The following CLPB variants were observed in gnomAD, a reference collection of about 807,000 sequenced individuals.
CLPB encodes the protein ClpB family mitochondrial disaggregase.
A neutral mutation model predicts 78.4 loss-of-function variants in CLPB; 40 were observed. The ratio of observed to expected loss-of-function variants is 0.51; its 90% CI spans 0.40 to 0.66. The LOEUF is 0.66. Ranked by LOEUF, CLPB falls within the 30% of genes least tolerant of loss-of-function variation. The probability of loss-of-function intolerance (pLI) is 0.00; values close to 1 mark genes in which losing one functional copy is unlikely to be tolerated. For missense variants in CLPB, 780 were observed against 886.9 expected (o/e 0.88, Z 1.53); for synonymous variants, 333 against 348.0 (o/e 0.96, Z 0.48).
intron 5 of CLPB, among the ~76,000 whole-genome samples, chr11:72,337,492 A>G (rs1950343312): frequency 6.6e-6 from 1 of 152,226 alleles, no homozygotes; most frequent in Non-Finnish European, 1.5e-5. Flanking sequence ...TTTGGGTATA[A>G]TGCCTTTATA....
intron 2 of CLPB, chr11:72,408,061 G>T: frequency 7.5e-7 from 1 of 1,336,266 alleles, no homozygotes; most frequent in South Asian, 1.3e-5. Context: ...AGTTTTAGGA[G>T]GCAGCACCGA....
At chr11:72,367,213 G>T (rs1950961243) in intron 4 of CLPB, among the ~76,000 whole-genome samples, 1 of 152,140 alleles carries the variant, frequency 6.6e-6, no homozygotes, top group Non-Finnish European at 1.5e-5. Context: ...GCCCAGGCTG[G>T]AGTGCAGTGA....
intron 2 of CLPB, among the ~76,000 whole-genome samples, chr11:72,424,092 A>C (rs1439317894): frequency 1.3e-5 from 2 of 152,266 alleles, no homozygotes; most frequent in African/African-American, 4.8e-5. Context: ...ACAGACAAAG[A>C]CAGTGGCCTT....
At chr11:72,322,464 G>A (rs117348876) in intron 6 of CLPB, among the ~76,000 whole-genome samples, 2,922 of 152,290 alleles carry the variant, frequency 0.019, 225 homozygotes, top group Admixed American at 0.13. Context: ...GATTACAGGT[G>A]TAAGCCACTG....
intron 3 of CLPB, among the ~76,000 whole-genome samples, chr11:72,394,443 G>C (rs1855342865): frequency 6.6e-6 from 1 of 151,922 alleles, no homozygotes; most frequent in East Asian, 1.9e-4. Flanking sequence ...AACACTGGAT[G>C]CTCTCCTATC....
intron 3 of CLPB, among the ~76,000 whole-genome samples, 190 bp from the exon 4 acceptor site, chr11:72,380,574 G>T (rs979084776): frequency 2.0e-5 from 3 of 152,120 alleles, no homozygotes; most frequent in African/African-American, 7.2e-5. Flanking sequence ...GATCTTAGCC[G>T]GGTGCAGTGA....
intron 5 of CLPB, among the ~76,000 whole-genome samples, chr11:72,344,364 A>G (rs1056956194): frequency 6.7e-6 from 1 of 148,692 alleles, no homozygotes; most frequent in Non-Finnish European, 1.5e-5. Context: ...ACATCACCAC[A>G]CCCAGCTAAT....
intron 4 of CLPB, among the ~76,000 whole-genome samples, chr11:72,376,138 G>C (rs1231360081): frequency 6.6e-6 from 1 of 152,104 alleles, no homozygotes; most frequent in Non-Finnish European, 1.5e-5. Context: ...TACATCTCTT[G>C]TTTTACTCTA....
intron 2 of CLPB, chr11:72,410,893 G>A (rs760216328): frequency 6.6e-6 from 1 of 152,110 alleles, no homozygotes; most frequent in Non-Finnish European, 1.5e-5. Flanking sequence ...CCTCTGTATT[G>A]TTTGAAGTTG....
rs1005563557 is a variant in CLPB at position 72,434,359 on chromosome 11, G to A, written c.116C>T (p.Thr39Ile). The part of the protein sequence containing the change: ...HGGASGRNVT[T>I]GSLGEPQWLR... The stretch of plus-strand genomic sequence containing the variant: ...CCACTGCGGCTCCCCGAGACTCCCA[G>A]TAGTCACATTCCGGCCGGAAGCACC... The change falls in exon 1 of 16, where the codon ACT becomes ATT. Residue 39 changes from threonine (T) to isoleucine (I), a missense_variant. Coordinates refer to ENST00000538039, the MANE Select transcript of CLPB (RefSeq NM_001258392.3). 3 of 1,612,182 alleles carry A rather than the reference G, an allele frequency of 1.9e-6. No homozygotes were observed. In the African/African-American group the frequency reaches 4.0e-5, roughly 22 times the overall value.
chr11:72,399,302 A>G (rs546581314), intron 3 of CLPB, among the ~76,000 whole-genome samples: 2 of 152,156 alleles, frequency 1.3e-5, no homozygotes, highest in South Asian at 4.1e-4. Flanking sequence ...TACAAAAACA[A>G]TAAATCTATT....
chr11:72,366,753 A>G (rs1950950296), intron 4 of CLPB, among the ~76,000 whole-genome samples: 1 of 152,200 alleles, frequency 6.6e-6, no homozygotes, highest in African/African-American at 2.4e-5. Flanking sequence ...GCTGTAGAGA[A>G]AAGAGAATGC....
intron 2 of CLPB, among the ~76,000 whole-genome samples, chr11:72,417,988 GGGTGCTATCCCTTCAAACAA>G (rs1243526023): frequency 2.6e-5 from 4 of 152,296 alleles, no homozygotes; most frequent in African/African-American, 9.6e-5. Flanking sequence ...CAGGAGGCCT[GGGTGCTATCCCTTCAAACAA>G]AAGGGCATTG....
chr11:72,368,011 TG>T (rs1950976237), intron 4 of CLPB, among the ~76,000 whole-genome samples: 3 of 152,212 alleles, frequency 2.0e-5, no homozygotes, highest in African/African-American at 7.2e-5. Context: ...GCATATTGCC[TG>T]GCATGTAGTA....
At chr11:72,433,842 T>C (rs905062066) in intron 1 of CLPB, among the ~76,000 whole-genome samples, 2 of 152,044 alleles carry the variant, frequency 1.3e-5, no homozygotes, top group Non-Finnish European at 2.9e-5. Flanking sequence ...TACAGATGGA[T>C]AAAATGATGC....
At chr11:72,390,372 AG>A (rs1855215487) in intron 3 of CLPB, among the ~76,000 whole-genome samples, 1 of 149,184 alleles carries the variant, frequency 6.7e-6, no homozygotes, top group Admixed American at 6.7e-5. Flanking sequence ...CAGGAGGCAG[AG>A]GTTGCAGTGA....
intron 2 of CLPB, among the ~76,000 whole-genome samples, chr11:72,405,010 G>A (rs574175184): frequency 1.6e-4 from 25 of 152,266 alleles, no homozygotes; most frequent in African/African-American, 5.1e-4. Flanking sequence ...GGTAGAGAGC[G>A]CATGGTTCTG....
chr11:72,407,804 G>T (rs1259339329), intron 2 of CLPB, among the ~76,000 whole-genome samples: 13 of 152,060 alleles, frequency 8.5e-5, no homozygotes, highest in Non-Finnish European at 7.3e-5. Flanking sequence ...CTGCCACCAC[G>T]CCCAGCTAAT....
chr11:72,383,530 C>CA (rs1232432851), intron 3 of CLPB, among the ~76,000 whole-genome samples: 7,540 of 65,068 alleles, frequency 0.12, 300 homozygotes, highest in East Asian at 0.23. Context: ...GACTCTGTCT[C>CA]AAAAAAAAAA....
Sources: allele counts gnomAD v4.1 joint callset (sites outside exome capture counted in the v4.1 genomes callset), GRCh38; gene constraint gnomAD v4.1.1; transcripts MANE v1.5; gene names NCBI Gene and HGNC (gene_info 2026-07-23, HGNC 2026-07-21).